The following ZKSCAN5 variants were observed in gnomAD, a reference collection of about 807,000 sequenced individuals.
The protein encoded by ZKSCAN5 is zinc finger with KRAB and SCAN domains 5, also known as zinc finger protein with KRAB and SCAN domains 5.
Under a neutral mutation model 60.0 loss-of-function variants are expected in ZKSCAN5, and 28 were observed. The observed-to-expected ratio is 0.47, with a 90% confidence interval of 0.35 to 0.64. The LOEUF (loss-of-function observed/expected upper bound fraction) is 0.64. Among genes scored for constraint, ZKSCAN5 ranks in the 30% least tolerant of loss-of-function variants. The probability of loss-of-function intolerance (pLI) is 0.01; values close to 1 mark genes in which losing one functional copy is unlikely to be tolerated. For missense variants in ZKSCAN5, 881 were observed against 1,034.6 expected, an observed-to-expected ratio of 0.85 and a Z score of 2.04; for synonymous variants, 361 against 371.2, an observed-to-expected ratio of 0.97 and a Z score of 0.31.
At chr7:99,521,144 A>G (rs1801522270) in intron 5 of ZKSCAN5, among the ~76,000 whole-genome samples, 1 of 152,156 alleles carries the variant, frequency 6.6e-6, no homozygotes, top group South Asian at 2.1e-4. Flanking sequence ...CCACTCTATC[A>G]GGCATACTGG....
At position 99,507,499 on chromosome 7, in the gene ZKSCAN5, G is replaced by GTGTATATATATATGTATATATA. The variant is rs1562901505; in HGVS notation, c.414+1052_414+1053insATGTATATATATGTATATATAT. ...TATATATGTGTATATATGTATATATGTGTATATATATGTGTGTATATATGT... is the reference window on the plus strand; with the variant it reads ...TATATATGTGTATATATGTATATATGTGTATATATATATGTATATATATGTATATATATGTGTGTATATATGT... On this transcript the variant is annotated intron_variant, in intron 2 of 6. Coordinates refer to ENST00000326775, the MANE Select transcript of ZKSCAN5 (RefSeq NM_145102.4). Among the ~76,000 whole-genome samples the GTGTATATATATATGTATATATA allele has an allele frequency of 3.0e-3, 389 of 130,866 alleles. 5 individuals carry two copies. The highest frequency in any genetic ancestry group is 0.011 in the African/African-American group (378 of 33,140). 85.9% of individuals were successfully genotyped at this position (130,866 alleles called of 152,430 possible). A position where few individuals can be genotyped will look rare whatever the true frequency, so the allele number is the denominator to read the frequency against.
intron 5 of ZKSCAN5, among the ~76,000 whole-genome samples, chr7:99,523,604 T>TC (rs1801642318): frequency 7.1e-6 from 1 of 140,338 alleles, no homozygotes; most frequent in African/African-American, 2.6e-5. Flanking sequence ...AGACCCAGTC[T>TC]CAAATCAATC....
intron 2 of ZKSCAN5, among the ~76,000 whole-genome samples, chr7:99,507,451 G>A (rs956496961): frequency 6.7e-6 from 1 of 149,640 alleles, no homozygotes; most frequent in African/African-American, 2.5e-5. Flanking sequence ...GCGTATATAT[G>A]TATATATATG....
chr7:99,511,964 G>GT (rs1469732534), intron 2 of ZKSCAN5, among the ~76,000 whole-genome samples: 1 of 152,026 alleles, frequency 6.6e-6, no homozygotes, highest in Non-Finnish European at 1.5e-5. Flanking sequence ...TAATTTTTTT[G>GT]TATTTTTTTA....
rs1016541667 is a variant in ZKSCAN5 at position 99,534,050 on chromosome 7, G to A, written c.*1801G>A. 8 of 160,518 alleles carry A rather than the reference G, an allele frequency of 5.0e-5. No individual in the cohort carries two copies. Among genetic ancestry groups the A allele is most frequent in the East Asian group, 1.8e-4 (1 of 5,492 alleles). The allele number at this position is 160,518 out of a possible 1,614,324, so 9.9% of individuals were successfully genotyped here. Reference sequence around the variant, plus strand: ...CTGGGATGAGATACAGGTGGAAAGCGATCTATTGACTTGTAGAGGTTTGGG... The same window carrying A: ...CTGGGATGAGATACAGGTGGAAAGCAATCTATTGACTTGTAGAGGTTTGGG... On this transcript the variant is annotated 3_prime_UTR_variant, in exon 7 of 7. Transcript: ENST00000326775.
chr7:99,515,224 G>C (rs1801209468), intron 3 of ZKSCAN5, among the ~76,000 whole-genome samples: 1 of 151,928 alleles, frequency 6.6e-6, no homozygotes, highest in Non-Finnish European at 1.5e-5. Flanking sequence ...GGTCAACGTG[G>C]TGAAACCCCG....
chr7:99,511,733 G>GCCGCCTGGCCCTGAGAGAGTT (rs55844716), intron 2 of ZKSCAN5, among the ~76,000 whole-genome samples: 152,117 of 152,208 alleles, frequency 1, 76,013 homozygotes, highest in Middle Eastern at 1. Context: ...ATGAGCTACC[G>GCCGCCTGGCCCTGAGAGAGTT]TTTCAGTGTT....
intron 5 of ZKSCAN5, among the ~76,000 whole-genome samples, chr7:99,523,385 G>A (rs1335381109): frequency 7.9e-5 from 12 of 152,018 alleles, no homozygotes; most frequent in Admixed American, 7.9e-4. Flanking sequence ...ACTTTGGGAG[G>A]CCAAGGAAGG....
At position 99,531,448 on chromosome 7, in the gene ZKSCAN5, G is replaced by A; in HGVS notation, c.1719G>A (p.Gly573=). The A allele has an allele frequency of 6.2e-7, 1 of 1,614,188 alleles. No homozygotes were observed. The highest frequency in any genetic ancestry group is 2.2e-5 in the East Asian group (1 of 44,880). Residue 573 remains glycine (G), a synonymous_variant, in exon 7 of 7, where the codon GGG becomes GGA. Coordinates refer to ENST00000326775, the MANE Select transcript of ZKSCAN5 (RefSeq NM_145102.4). ...TTCAACATCAAAGAATACACACTGG[G>A]GAGAAACCATTCAGGTGTGAGGAAT... ...HLIQHQRIHT[G]EKPFRCEECG...
At chr7:99,527,156 C>T (rs1310963762) in intron 6 of ZKSCAN5, among the ~76,000 whole-genome samples, 1 of 152,130 alleles carries the variant, frequency 6.6e-6, no homozygotes, top group East Asian at 1.9e-4. Flanking sequence ...ATAGCAAGAC[C>T]TTGTCTCTAC....
chr7:99,528,601 A>AT (rs528079261), intron 6 of ZKSCAN5, among the ~76,000 whole-genome samples: 27 of 152,052 alleles, frequency 1.8e-4, no homozygotes, highest in African/African-American at 6.5e-4. Flanking sequence ...TAATTTATGT[A>AT]TTTTTTGTAG....
chr7:99,506,194 C>T lies in ZKSCAN5; in HGVS notation c.150C>T (p.Tyr50=). The T allele has an allele frequency of 6.2e-7, 1 of 1,614,192 alleles. No homozygotes were observed. The highest frequency in any genetic ancestry group is 8.5e-7 in the Non-Finnish European group (1 of 1,180,040). ...ACCCGCCAACGTTTGAGACTTTTTA[C>T]CAGCGCTTCAGGCACTTCCAGTACC... ...EYNPPTFETF[Y]QRFRHFQYHE... Residue 50 remains tyrosine, a synonymous_variant, in exon 2 of 7, where the codon TAC becomes TAT. Coordinates refer to ENST00000326775, the MANE Select transcript of ZKSCAN5 (RefSeq NM_145102.4).
chr7:99,531,131 A>G lies in ZKSCAN5; in HGVS notation c.1402A>G (p.Thr468Ala), dbSNP rs779831241. The G allele has an allele frequency of 1.1e-5, 18 of 1,590,266 alleles. No individual in the cohort carries two copies. Among genetic ancestry groups the G allele is most frequent in the Non-Finnish European group, 1.5e-5 (18 of 1,171,804 alleles). Residue 468 changes from threonine (T) to alanine (A), a missense_variant, in exon 7 of 7, where the codon ACA (threonine) becomes GCA (alanine). Thr to Ala is a moderately conservative substitution (Grantham distance 58, BLOSUM62 0). Around this residue, in one of 5 missense-constraint regions of ZKSCAN5, gnomAD observed 490 missense variants for 554.5 expected, o/e 0.88. Coordinates refer to ENST00000326775, the MANE Select transcript of ZKSCAN5 (RefSeq NM_145102.4). ...AGGCAGTGACAAAAGAAGTAAGAAC[A>G]CAAAATTAAGTGTTAAGAAGAAAAT... ...QRCSDKRSKN[T>A]KLSVKKKISE...
chr7:99,505,949 TG>T, intron 1 of ZKSCAN5, 55 bp from the exon 2 acceptor site: 45 of 1,400,508 alleles, frequency 3.2e-5, no homozygotes, highest in Non-Finnish European at 4.4e-5. Context: ...GTAGGTTGCA[TG>T]CTACTGAAAG....
intron 2 of ZKSCAN5, among the ~76,000 whole-genome samples, chr7:99,507,599 A>G (rs1319471572): frequency 6.7e-6 from 1 of 150,064 alleles, no homozygotes; most frequent in East Asian, 1.9e-4. Context: ...GTGTGTGTAT[A>G]TATATATGTA....
At chr7:99,517,006 A>G (rs1303183359) in intron 3 of ZKSCAN5, among the ~76,000 whole-genome samples, 2 of 152,180 alleles carry the variant, frequency 1.3e-5, no homozygotes, top group African/African-American at 4.8e-5. Context: ...CACACATAAA[A>G]TACACAAACA....
In ZKSCAN5 at chr7:99,526,043, A is replaced by G; in HGVS notation, c.1003A>G (p.Ser335Gly). The G allele has an allele frequency of 6.2e-7, 1 of 1,614,234 alleles. No individual in the cohort carries two copies. Among genetic ancestry groups the G allele is most frequent in the East Asian group, 2.2e-5 (1 of 44,878 alleles). Residue 335 changes from serine (S) to glycine (G), a missense_variant, in exon 6 of 7, where the codon AGC (serine) becomes GGC (glycine). Physicochemically the swap from Ser to Gly is moderately conservative, Grantham distance 56. Coordinates refer to ENST00000326775, the MANE Select transcript of ZKSCAN5 (RefSeq NM_145102.4). ...GGATCTGGATGCAATCACAGACATC[A>G]GCCCTAAGCAAAGCACACATGGCGA... ...KRDLDAITDI[S>G]PKQSTHGERG...
chr7:99,518,670 CTTT>C (rs993896580), intron 3 of ZKSCAN5, among the ~76,000 whole-genome samples: 1 of 92,206 alleles, frequency 1.1e-5, no homozygotes, highest in Non-Finnish European at 2.0e-5. Flanking sequence ...AGAATGCATC[CTTT>C]TTTTTTTTTT....
intron 5 of ZKSCAN5, among the ~76,000 whole-genome samples, chr7:99,525,243 G>A (rs1801724173): frequency 6.6e-6 from 1 of 151,978 alleles, no homozygotes; most frequent in Admixed American, 6.6e-5. Flanking sequence ...AAGCTGAGGT[G>A]GGAGGATCAC....
Sources: allele counts gnomAD v4.1 joint callset (sites outside exome capture counted in the v4.1 genomes callset), GRCh38; gene constraint gnomAD v4.1.1; regional missense constraint gnomAD v4.1.1; transcripts MANE v1.5; gene names NCBI Gene and HGNC (gene_info 2026-07-23, HGNC 2026-07-21).